The following TARS1 variants were observed in gnomAD, a reference collection of about 807,000 sequenced individuals.
TARS1 encodes threonine--tRNA ligase 1, cytoplasmic.
Under a neutral mutation model 97.7 loss-of-function variants are expected in TARS1, and 57 were observed. The ratio of observed to expected loss-of-function variants is 0.58; its 90% CI spans 0.47 to 0.73. The LOEUF (loss-of-function observed/expected upper bound fraction) is 0.73. TARS1 is among the 30% of genes least tolerant of loss of function. The pLI is 0.00. For missense variants in TARS1, 806 were observed against 888.3 expected, an observed-to-expected ratio of 0.91 and a Z score of 1.18; for synonymous variants, 312 against 293.7, an observed-to-expected ratio of 1.06 and a Z score of -0.64.
At chr5:33,463,866 T>C in intron 17 of TARS1, 41 bp downstream of exon 17, 1 of 1,544,264 alleles carries the variant, frequency 6.5e-7, no homozygotes, top group East Asian at 2.3e-5. Context: ...TTAACATCTG[T>C]TGTTCAGCTT....
rs945013800 is a variant in TARS1, at chr5:33,445,346, A to G, written c.80A>G (p.Gln27Arg). 8 of 1,612,780 alleles carry G rather than the reference A, an allele frequency of 5.0e-6. No individual in the cohort carries two copies. The highest frequency in any genetic ancestry group is 6.8e-6 in the Non-Finnish European group (8 of 1,179,246). ...TAGATTGGTGCTGGTGAAGAGAAGC[A>G]AAAGGAAGGAGGCAAAAAGAAGAAC... The part of the protein sequence containing the change: ...EKPIGAGEEK[Q>R]KEGGKKKNKE... Residue 27 changes from glutamine to arginine, a missense_variant, in exon 2 of 19, where the codon CAA becomes CGA. This residue lies in a region of TARS1 where 356 missense variants were observed against 357.8 expected (regional missense o/e 0.99). Coordinates refer to ENST00000265112, the MANE Select transcript of TARS1 (RefSeq NM_152295.5).
intron 4 of TARS1, 130 bp downstream of exon 4, chr5:33,453,542 AT>A (rs1410531828): frequency 4.9e-6 from 6 of 1,216,636 alleles, no homozygotes; most frequent in Non-Finnish European, 6.9e-6. Flanking sequence ...TGAAATCTTC[AT>A]TTTGTCCTTC....
intron 3 of TARS1, chr5:33,452,254 T>G: frequency 1.2e-5 from 12 of 1,028,908 alleles, no homozygotes; most frequent in Non-Finnish European, 1.7e-5. Flanking sequence ...CTACCTTCGT[T>G]GAGATGTCCA....
chr5:33,453,600 G>A (rs1741864392), intron 4 of TARS1, among the ~76,000 whole-genome samples, 188 bp downstream of exon 4: 2 of 152,240 alleles, frequency 1.3e-5, no homozygotes, highest in African/African-American at 2.4e-5. Context: ...ATAAAGGGGT[G>A]AAGCTGAATA....
intron 2 of TARS1, chr5:33,446,319 A>AC (rs1203854794): frequency 1.3e-5 from 4 of 317,104 alleles, no homozygotes; most frequent in South Asian, 8.3e-5. Context: ...CGACCATTAT[A>AC]CCCCCACTGT....
chr5:33,446,605 A>C (rs1741432290), intron 2 of TARS1: 1 of 1,187,556 alleles, frequency 8.4e-7, no homozygotes, highest in Admixed American at 2.3e-5. Context: ...TTCCCCTCCA[A>C]GGGCAACTTG....
At chr5:33,450,952 T>TA (rs1741702608) in intron 3 of TARS1, among the ~76,000 whole-genome samples, 1 of 152,092 alleles carries the variant, frequency 6.6e-6, no homozygotes, top group African/African-American at 2.4e-5. Context: ...CTGTCTCTAC[T>TA]AAAAATACAA....
At chr5:33,448,886 A>T (rs1241719388) in intron 3 of TARS1, among the ~76,000 whole-genome samples, 155 bp downstream of exon 3, 1 of 152,252 alleles carries the variant, frequency 6.6e-6, no homozygotes, top group Admixed American at 6.5e-5. Flanking sequence ...TTTAAAAATC[A>T]AAATGATACA....
intron 9 of TARS1, among the ~76,000 whole-genome samples, chr5:33,458,203 A>G (rs1273099781): frequency 1.3e-5 from 2 of 152,238 alleles, no homozygotes; most frequent in East Asian, 1.9e-4. Context: ...AAATACATAC[A>G]TAAATAAAAT....
intron 4 of TARS1, among the ~76,000 whole-genome samples, chr5:33,454,708 T>C (rs555474300): frequency 6.6e-6 from 1 of 151,466 alleles, no homozygotes; most frequent in African/African-American, 2.4e-5. Flanking sequence ...TAGTTTAATT[T>C]GTTTGAAAAC....
chr5:33,455,536 C>G, intron 5 of TARS1, 51 bp from the exon 6 acceptor site: 5 of 1,243,962 alleles, frequency 4.0e-6, no homozygotes, highest in Non-Finnish European at 5.7e-6. Context: ...TTTTTCGAAG[C>G]CATGGTGTGA....
chr5:33,463,609 T>G, intron 16 of TARS1, 144 bp from the exon 17 acceptor site: 1 of 659,610 alleles, frequency 1.5e-6, no homozygotes. Flanking sequence ...GGTCTTTTCA[T>G]TTTGGGGTTT....
intron 3 of TARS1, among the ~76,000 whole-genome samples, chr5:33,450,554 A>T (rs1476582290): frequency 6.6e-6 from 1 of 152,230 alleles, no homozygotes; most frequent in Non-Finnish European, 1.5e-5. Flanking sequence ...TTGTAATACC[A>T]TGCAAGTTTC....
intron 16 of TARS1, 82 bp from the exon 17 acceptor site, chr5:33,463,671 G>A (rs1178127654): frequency 5.7e-6 from 7 of 1,227,094 alleles, no homozygotes; most frequent in African/African-American, 3.0e-5. Flanking sequence ...AAAAGATACT[G>A]AAGAGTAGAG....
intron 1 of TARS1, among the ~76,000 whole-genome samples, chr5:33,442,161 T>G (rs1423101285): frequency 6.6e-6 from 1 of 152,140 alleles, no homozygotes; most frequent in Admixed American, 6.5e-5. Flanking sequence ...ACAGGACAGT[T>G]CACTTAAAAG....
At chr5:33,450,639 G>T (rs1329624392) in intron 3 of TARS1, among the ~76,000 whole-genome samples, 1 of 152,286 alleles carries the variant, frequency 6.6e-6, no homozygotes, top group East Asian at 1.9e-4. Context: ...AATTTTGAAG[G>T]TCAGGTTGAT....
intron 3 of TARS1, among the ~76,000 whole-genome samples, chr5:33,450,354 G>A (rs528401843): frequency 2.6e-5 from 4 of 152,326 alleles, no homozygotes; most frequent in South Asian, 2.1e-4. Flanking sequence ...GGGAACCAAC[G>A]TGGCTGATTC....
intron 17 of TARS1, chr5:33,465,972 C>T (rs1047720449): frequency 6.6e-6 from 1 of 152,170 alleles, no homozygotes; most frequent in Non-Finnish European, 1.5e-5. Flanking sequence ...AAAATTCATT[C>T]TGCTTTCTGA....
chr5:33,444,421 A>C (rs74417746), intron 1 of TARS1, among the ~76,000 whole-genome samples: 3,772 of 152,356 alleles, frequency 0.025, 164 homozygotes, highest in African/African-American at 0.087. Flanking sequence ...ATTGTATCTT[A>C]AAACTTAAGA....
Sources: allele counts gnomAD v4.1 joint callset (sites outside exome capture counted in the v4.1 genomes callset), GRCh38; gene constraint gnomAD v4.1.1; regional missense constraint gnomAD v4.1.1; transcripts MANE v1.5; gene names NCBI Gene and HGNC (gene_info 2026-07-23, HGNC 2026-07-21).